The following DAB1 variants were observed in gnomAD, a reference collection of about 807,000 sequenced individuals.
DAB1 encodes the protein DAB adaptor protein 1.
In DAB1, 15 loss-of-function variants were observed where a neutral mutation model predicts 64.6. That is an observed-to-expected ratio of 0.23 (90% CI 0.16 to 0.36). The LOEUF (loss-of-function observed/expected upper bound fraction) is 0.36, where lower values mean the gene tolerates loss of function less well. Ranked by LOEUF, DAB1 falls within the 10% of genes least tolerant of loss-of-function variation. The probability of loss-of-function intolerance (pLI) is 1.00; values close to 1 mark genes in which losing one functional copy is unlikely to be tolerated. For synonymous variants in DAB1, 235 were observed against 251.9 expected, an observed-to-expected ratio of 0.93 and a Z score of 0.64; for missense variants, 596 against 706.7, an observed-to-expected ratio of 0.84 and a Z score of 1.78.
At chr1:58,471,161 G>T (rs994233591) in intron 3 of DAB1, among the ~76,000 whole-genome samples, 2 of 152,156 alleles carry the variant, frequency 1.3e-5, no homozygotes, top group Non-Finnish European at 2.9e-5. Flanking sequence ...TGCCAGCATT[G>T]TCCTAGCAAC....
chr1:57,637,158 T>C (rs1331616040), intron 7 of DAB1, among the ~76,000 whole-genome samples: 4 of 152,168 alleles, frequency 2.6e-5, no homozygotes, highest in Non-Finnish European at 5.9e-5. Flanking sequence ...ATACTTTACA[T>C]ATTTTGCTCT....
chr1:57,041,829 G>C (rs772040966), intron 9 of DAB1, among the ~76,000 whole-genome samples: 1 of 152,170 alleles, frequency 6.6e-6, no homozygotes, highest in Non-Finnish European at 1.5e-5. Context: ...AATAGAATTA[G>C]AAGAGACTAC....
At chr1:58,196,797 A>C (rs759137456) in intron 4 of DAB1, among the ~76,000 whole-genome samples, 1 of 152,148 alleles carries the variant, frequency 6.6e-6, no homozygotes, top group Non-Finnish European at 1.5e-5. Context: ...TGATCCAATC[A>C]TCTCCCACCA....
At chr1:57,554,101 G>T (rs1207592880) in intron 7 of DAB1, among the ~76,000 whole-genome samples, 2 of 152,104 alleles carry the variant, frequency 1.3e-5, no homozygotes, top group African/African-American at 4.8e-5. Context: ...GAAGCGAGGA[G>T]ATATTTGATA....
At chr1:57,512,747 C>T (rs1644419253) in intron 7 of DAB1, among the ~76,000 whole-genome samples, 1 of 152,338 alleles carries the variant, frequency 6.6e-6, no homozygotes, top group South Asian at 2.1e-4. Flanking sequence ...GAAGCATTGC[C>T]TGGACCCCAG....
At chr1:58,384,171 G>A (rs1273363044) in intron 3 of DAB1, among the ~76,000 whole-genome samples, 1 of 151,154 alleles carries the variant, frequency 6.6e-6, no homozygotes, top group East Asian at 1.9e-4. Context: ...CAAACCTGTT[G>A]GCCAAATACA....
At position 57,010,729 on chromosome 1, in the gene DAB1, C is replaced by A; in HGVS notation, c.1634G>T (p.Ser545Ile). The A allele has an allele frequency of 6.3e-7, 1 of 1,597,742 alleles. No homozygotes were observed. The highest frequency in any genetic ancestry group is 1.3e-5 in the African/African-American group (1 of 74,534). The change falls in exon 14 of 15, where the codon AGT (serine) becomes ATT (isoleucine). Residue 545 changes from serine (S) to isoleucine (I), a missense_variant. By Grantham distance (142) the Ser-to-Ile change is moderately radical. Transcript: ENST00000371236. Reference sequence around the variant, plus strand: ...GGCCTGTGGACTTATATTATCACCACTGGGCTCCCCACTGGGCTCACCAAA... The same window carrying A: ...GGCCTGTGGACTTATATTATCACCAATGGGCTCCCCACTGGGCTCACCAAA... The part of the protein sequence containing the change: ...DPFGEPSGEP[S>I]GDNISPQAGS
intron 2 of DAB1, among the ~76,000 whole-genome samples, chr1:57,269,214 C>T (rs1200419812): frequency 6.6e-6 from 1 of 152,150 alleles, no homozygotes; most frequent in Admixed American, 6.5e-5. Flanking sequence ...CCCCAATCCC[C>T]TTGTCAGGAG....
intron 5 of DAB1, among the ~76,000 whole-genome samples, chr1:58,132,964 A>G (rs1285535357): frequency 6.6e-6 from 1 of 152,108 alleles, no homozygotes; most frequent in Non-Finnish European, 1.5e-5. Flanking sequence ...AAATTCTGAG[A>G]TTTCTTTTGT....
intron 5 of DAB1, among the ~76,000 whole-genome samples, chr1:57,962,378 A>G (rs1419088019): frequency 6.6e-6 from 1 of 152,138 alleles, no homozygotes; most frequent in Non-Finnish European, 1.5e-5. Context: ...ATTTTCACCC[A>G]CATCAATTTT....
At chr1:58,452,099 A>G (rs1645143915) in intron 3 of DAB1, among the ~76,000 whole-genome samples, 1 of 151,670 alleles carries the variant, frequency 6.6e-6, no homozygotes, top group Admixed American at 6.6e-5. Context: ...CGTCAGGCCA[A>G]TTTTTGTGTT....
intron 2 of DAB1, among the ~76,000 whole-genome samples, chr1:57,267,025 C>T (rs1463212707): frequency 1.3e-5 from 2 of 152,120 alleles, no homozygotes; most frequent in South Asian, 2.1e-4. Flanking sequence ...TCTACCAATC[C>T]TATGAATGTG....
intron 6 of DAB1, among the ~76,000 whole-genome samples, chr1:57,766,210 C>A (rs1480116439): frequency 6.6e-6 from 1 of 151,708 alleles, no homozygotes; most frequent in Non-Finnish European, 1.5e-5. Flanking sequence ...ACCTGATTTC[C>A]CCCCATGTGT....
chr1:57,541,061 C>T (rs925963621), intron 7 of DAB1, among the ~76,000 whole-genome samples: 1 of 151,966 alleles, frequency 6.6e-6, no homozygotes, highest in Non-Finnish European at 1.5e-5. Context: ...ACGTTCTATG[C>T]ATATATCAAA....
intron 5 of DAB1, among the ~76,000 whole-genome samples, chr1:57,930,513 ATGAAG>A (rs1644939025): frequency 1.3e-5 from 2 of 152,258 alleles, no homozygotes; most frequent in Non-Finnish European, 2.9e-5. Context: ...AGCCATGAAC[ATGAAG>A]TATCTCTTCA....
chr1:57,375,792 G>T (rs1282445082), intron 1 of DAB1, among the ~76,000 whole-genome samples: 1 of 152,146 alleles, frequency 6.6e-6, no homozygotes, highest in Non-Finnish European at 1.5e-5. Context: ...TTTCATTTCT[G>T]TCTCCTTAGA....
intron 2 of DAB1, among the ~76,000 whole-genome samples, chr1:57,182,170 C>T (rs563480062): frequency 6.6e-6 from 1 of 152,276 alleles, no homozygotes; most frequent in South Asian, 2.1e-4. Context: ...CAGGTGTGAG[C>T]CACCGCGTCC....
intron 6 of DAB1, among the ~76,000 whole-genome samples, chr1:57,784,414 A>C (rs962349373): frequency 3.9e-5 from 6 of 152,156 alleles, no homozygotes; most frequent in African/African-American, 1.4e-4. Context: ...AAACAAACAA[A>C]AAAAGCTGAG....
chr1:57,008,001 T>G (rs1159941458), intron 14 of DAB1, among the ~76,000 whole-genome samples: 1 of 152,242 alleles, frequency 6.6e-6, no homozygotes, highest in Non-Finnish European at 1.5e-5. Context: ...TGGCTATGTC[T>G]GCAAAGCTGG....
Sources: allele counts gnomAD v4.1 joint callset (sites outside exome capture counted in the v4.1 genomes callset), GRCh38; gene constraint gnomAD v4.1.1; transcripts MANE v1.5; gene names NCBI Gene and HGNC (gene_info 2026-07-23, HGNC 2026-07-21).